PCDHGB1: variants seen among roughly 807,000 people sequenced by gnomAD.
PCDHGB1 encodes protocadherin gamma-B1.
In PCDHGB1, 34 loss-of-function variants were observed where a neutral mutation model predicts 56.6. That is an observed-to-expected ratio of 0.60 (90% CI 0.46 to 0.80). PCDHGB1 has a LOEUF of 0.80. PCDHGB1 is among the 30% of genes least tolerant of loss of function. PCDHGB1 has a pLI of 0.00. For synonymous variants in PCDHGB1, 561 were observed against 505.9 expected (o/e 1.11, Z -1.46); for missense variants, 1,278 against 1,204.6 (o/e 1.06, Z -0.90).
At chr5:141,382,637 G>A (rs993305735) in intron 1 of PCDHGB1, 3 of 381,072 alleles carry the variant, frequency 7.9e-6, no homozygotes, top group African/African-American at 2.1e-5. Context: ...TCAATGTGGT[G>A]CAGTAACTTA....
intron 1 of PCDHGB1, chr5:141,421,627 T>C: frequency 6.2e-7 from 1 of 1,613,846 alleles, no homozygotes; most frequent in Non-Finnish European, 8.5e-7. Context: ...CGCCCCCAGC[T>C]TCCAGGAGGA....
At chr5:141,360,925 G>T in intron 1 of PCDHGB1, 1 of 1,614,018 alleles carries the variant, frequency 6.2e-7, no homozygotes, top group Non-Finnish European at 8.5e-7. Flanking sequence ...TGTGCTTCAA[G>T]TGACAGCCAC....
In PCDHGB1 at chr5:141,491,729, C is replaced by T. The variant is rs766649819; in HGVS notation, c.2410-3078C>T. On this transcript the variant is annotated intron_variant, in intron 1 of 3. Coordinates refer to ENST00000523390, the MANE Select transcript of PCDHGB1 (RefSeq NM_018922.3). This position sits in a 1 kb window ranked among gnomAD's most constrained non-coding sequence, Gnocchi z 6.9. ...AGGGGCTCGGCGCCGCCCCGGGCGA[C>T]CCCTGGGGGCGGCACTGGAGAAGCC... 6.1e-5 allele frequency: 98 copies of T among 1,603,832 alleles called. No homozygotes were observed. Among genetic ancestry groups the T allele is most frequent in the Non-Finnish European group, 7.9e-5 (93 of 1,175,848 alleles).
At chr5:141,446,132 TA>T (rs1252851903) in intron 1 of PCDHGB1, among the ~76,000 whole-genome samples, 1 of 152,204 alleles carries the variant, frequency 6.6e-6, no homozygotes, top group African/African-American at 2.4e-5. Context: ...CAATAAGACT[TA>T]ATAATGGAAT....
chr5:141,476,367 G>C lies in PCDHGB1; in HGVS notation c.2410-18440G>C, dbSNP rs754652710. ...TTCTTTGAGGTGAACCGGGAGACCG[G>C]AGAGATGTTTGTGAACGACCGTCTG... On this transcript the variant is annotated intron_variant, in intron 1 of 3. Transcript: ENST00000523390. This position sits in a 1 kb window ranked among gnomAD's most constrained non-coding sequence, Gnocchi z 7.6. 6.2e-7 allele frequency: 1 copy of C among 1,614,172 alleles called. No homozygotes were observed. Among genetic ancestry groups the C allele is most frequent in the Non-Finnish European group, 8.5e-7 (1 of 1,180,036 alleles).
chr5:141,370,858 A>C (rs1028921774), intron 1 of PCDHGB1: 9 of 1,613,928 alleles, frequency 5.6e-6, no homozygotes, highest in Admixed American at 1.7e-5. Context: ...TTTGCCCTGG[A>C]ATCTGCGCAA....
chr5:141,427,320 G>A (rs920149276), intron 1 of PCDHGB1: 5 of 456,968 alleles, frequency 1.1e-5, no homozygotes, highest in Non-Finnish European at 1.8e-5. Context: ...CCCAGACGTG[G>A]TTTTTACTTC....
chr5:141,383,095 A>G, intron 1 of PCDHGB1: 1 of 1,613,956 alleles, frequency 6.2e-7, no homozygotes, highest in Non-Finnish European at 8.5e-7. Context: ...CGGAGTCCGC[A>G]TCATCTCCAG....
In PCDHGB1 at chr5:141,366,458, G is replaced by A. The variant is rs555568322; in HGVS notation, c.2409+13789G>A. 4 of 1,614,092 alleles carry A rather than the reference G, an allele frequency of 2.5e-6. No homozygotes were observed. In the African/African-American group the frequency reaches 4.0e-5, roughly 16 times the overall value. On this transcript the variant is annotated intron_variant, in intron 1 of 3. Coordinates refer to ENST00000523390, the MANE Select transcript of PCDHGB1 (RefSeq NM_018922.3). Reference sequence around the variant, plus strand: ...CTGCGTCTTCCTGGCCTTCGTCATCGTGCTGCTGGTGCTCAGACTGAGGCG... The same window carrying A: ...CTGCGTCTTCCTGGCCTTCGTCATCATGCTGCTGGTGCTCAGACTGAGGCG...
At chr5:141,484,644 A>G (rs1165542601) in intron 1 of PCDHGB1, among the ~76,000 whole-genome samples, 1 of 151,748 alleles carries the variant, frequency 6.6e-6, no homozygotes, top group African/African-American at 2.4e-5. Flanking sequence ...CCACTCTCCA[A>G]TGGCTACTCT....
chr5:141,415,739 G>A, intron 1 of PCDHGB1: 4 of 434,948 alleles, frequency 9.2e-6, no homozygotes, highest in Non-Finnish European at 1.3e-5. Context: ...TGTTTATTAA[G>A]GTTTTTTTTT....
At chr5:141,433,246 T>C (rs775015156) in intron 1 of PCDHGB1, 1 of 1,462,358 alleles carries the variant, frequency 6.8e-7, no homozygotes, top group Non-Finnish European at 9.3e-7. Flanking sequence ...CAAGCTGGAA[T>C]GCAGCGGTAC....
rs368075478 is a variant in PCDHGB1, at chr5:141,403,866, A to G, written c.2409+51197A>G. The G allele has an allele frequency of 1.3e-4, 207 of 1,613,762 alleles. No individual in the cohort carries two copies. Among genetic ancestry groups the G allele is most frequent in the Non-Finnish European group, 1.6e-4 (186 of 1,179,844 alleles). On this transcript the variant is annotated intron_variant, in intron 1 of 3. Transcript: ENST00000523390. ...AATACTGGGGAAATATCAACAGCAA[A>G]AAGTCTAGATTATGAAGAATGTTCA...
intron 1 of PCDHGB1, among the ~76,000 whole-genome samples, chr5:141,457,537 T>C (rs967428207): frequency 6.6e-6 from 1 of 152,228 alleles, no homozygotes; most frequent in Non-Finnish European, 1.5e-5. Context: ...TAGGGTTTAA[T>C]GACAAATGTA....
intron 2 of PCDHGB1, among the ~76,000 whole-genome samples, chr5:141,496,180 GC>G (rs1054381604): frequency 1.4e-4 from 21 of 151,922 alleles, no homozygotes; most frequent in Non-Finnish European, 2.9e-4. Flanking sequence ...CATCCAAGCA[GC>G]CCCAGCTGCT....
At chr5:141,360,620 T>A (rs759358436) in intron 1 of PCDHGB1, 2 of 1,613,908 alleles carry the variant, frequency 1.2e-6, no homozygotes, top group Non-Finnish European at 1.7e-6. Flanking sequence ...GATTCAGATG[T>A]TGGTCCTAAC....
intron 1 of PCDHGB1, chr5:141,356,815 G>C: frequency 6.2e-7 from 1 of 1,614,066 alleles, no homozygotes; most frequent in Non-Finnish European, 8.5e-7. Flanking sequence ...TGACAGTGGA[G>C]ACCCTCCACT....
At chr5:141,375,427 C>T in intron 1 of PCDHGB1, 2 of 1,613,978 alleles carry the variant, frequency 1.2e-6, no homozygotes, top group Non-Finnish European at 1.7e-6. Flanking sequence ...CCAACGACAA[C>T]CCGCCCACCT....
intron 1 of PCDHGB1, among the ~76,000 whole-genome samples, chr5:141,460,256 C>T (rs1315761341): frequency 6.6e-6 from 1 of 151,704 alleles, no homozygotes; most frequent in Admixed American, 6.6e-5. Context: ...TTGATAAAGC[C>T]CAATTTATTT....
Sources: gnomAD v4.1 joint callset for allele counts (sites outside exome capture counted in the v4.1 genomes callset) on GRCh38, gnomAD v4.1.1 for gene constraint, Gnocchi (gnomAD v3.1) non-coding constraint, MANE v1.5 for transcripts, NCBI Gene and HGNC (gene_info 2026-07-23, HGNC 2026-07-21) for gene names.